The following MGAT5 variants were observed in gnomAD, a reference collection of about 807,000 sequenced individuals.
MGAT5 encodes the protein alpha-1,6-mannosylglycoprotein 6-beta-N-acetylglucosaminyltransferase A.
In MGAT5, 30 loss-of-function variants were observed where a neutral mutation model predicts 94.3. The ratio of observed to expected loss-of-function variants is 0.32; its 90% CI spans 0.24 to 0.43. The LOEUF (loss-of-function observed/expected upper bound fraction) is 0.43. MGAT5 is among the 20% of genes least tolerant of loss of function. MGAT5 has a pLI of 1.00. For synonymous variants in MGAT5, 310 were observed against 322.9 expected (o/e 0.96, Z 0.43); for missense variants, 691 against 905.5 (o/e 0.76, Z 3.04).
intron 1 of MGAT5, among the ~76,000 whole-genome samples, chr2:134,244,178 T>C (rs1682113025): frequency 1.3e-5 from 2 of 152,234 alleles, no homozygotes; most frequent in African/African-American, 4.8e-5. Flanking sequence ...ACCTGACAAA[T>C]TGACATGCTG....
intron 12 of MGAT5, among the ~76,000 whole-genome samples, chr2:134,419,954 C>G (rs1402690766): frequency 6.6e-6 from 1 of 152,142 alleles, no homozygotes; most frequent in African/African-American, 2.4e-5. Flanking sequence ...TGACATTTTG[C>G]TCATCTTCAG....
At position 134,402,283 on chromosome 2, in the gene MGAT5, A is replaced by G. The variant is rs146481627; in HGVS notation, c.1381-705A>G. Among the ~76,000 whole-genome samples, 862 of 152,316 alleles carry G rather than the reference A, an allele frequency of 5.7e-3. 26 individuals carry two copies. Among genetic ancestry groups the G allele is most frequent in the South Asian group, 0.05 (240 of 4,820 alleles). Reference sequence around the variant, plus strand: ...CTCAAAATTCAGTGCCTACAAATACAAGAAAAGGGGTTTGGTTGTGCTTCT... The same window carrying G: ...CTCAAAATTCAGTGCCTACAAATACGAGAAAAGGGGTTTGGTTGTGCTTCT... On this transcript the variant is annotated intron_variant, in intron 10 of 15. Transcript: ENST00000281923.
At chr2:134,410,912 G>C (rs1683613507) in intron 11 of MGAT5, among the ~76,000 whole-genome samples, 1 of 152,200 alleles carries the variant, frequency 6.6e-6, no homozygotes, top group South Asian at 2.1e-4. Context: ...TGGACTCCCT[G>C]TGCTATCTTA....
At chr2:134,264,019 T>TTTG (rs201575536) in intron 1 of MGAT5, among the ~76,000 whole-genome samples, 5,963 of 133,006 alleles carry the variant, frequency 0.045, 202 homozygotes, top group Middle Eastern at 0.14. Context: ...GCCATTAGGT[T>TTTG]TTTTTTTTTT....
At chr2:134,290,898 G>A (rs1031735111) in intron 2 of MGAT5, among the ~76,000 whole-genome samples, 2 of 152,212 alleles carry the variant, frequency 1.3e-5, no homozygotes, top group African/African-American at 2.4e-5. Flanking sequence ...ATATGGAGTT[G>A]GAGGATCAAT....
At position 134,454,440 on chromosome 2, in the gene MGAT5, AACAGATCCTGGTT is replaced by A. The variant is rs1686265640; in HGVS notation, c.*5598_*5610del. 6.6e-6 allele frequency: 1 copy of A among 152,224 alleles called. No homozygotes were observed. Among genetic ancestry groups the A allele is most frequent in the Admixed American group, 6.5e-5 (1 of 15,284 alleles). The allele number at this position is 152,224 out of a possible 1,614,324, so 9.4% of individuals were successfully genotyped here. On this transcript the variant is annotated 3_prime_UTR_variant, in exon 16 of 16. Coordinates refer to ENST00000281923, the MANE Select transcript of MGAT5 (RefSeq NM_002410.5). ...ATGGCCGTTTGCATCTGTGTCTTCA[AACAGATCCTGGTT>A]ACAGCCATTTTGTGTGATTCACTTC...
chr2:134,202,345 C>T (rs1364639046), intron 1 of MGAT5, among the ~76,000 whole-genome samples: 1 of 152,226 alleles, frequency 6.6e-6, no homozygotes, highest in Non-Finnish European at 1.5e-5. Flanking sequence ...AAAGAAGCTG[C>T]AGGGATTTTG....
intron 10 of MGAT5, among the ~76,000 whole-genome samples, chr2:134,376,654 G>T (rs1204306841): frequency 6.6e-6 from 1 of 152,178 alleles, no homozygotes; most frequent in African/African-American, 2.4e-5. Flanking sequence ...GGACCTAGGG[G>T]AGGAAAGAAA....
chr2:134,317,399 G>GT (rs2105897961), intron 2 of MGAT5, 130 bp from the exon 3 acceptor site: 1 of 531,568 alleles, frequency 1.9e-6, no homozygotes, highest in Non-Finnish European at 3.2e-6. Flanking sequence ...GGGGCTCCAT[G>GT]TATCAGAGCA....
intron 10 of MGAT5, among the ~76,000 whole-genome samples, chr2:134,366,634 A>G (rs1426298862): frequency 6.6e-6 from 1 of 152,126 alleles, no homozygotes; most frequent in Non-Finnish European, 1.5e-5. Context: ...ATGGCTTCTC[A>G]GCCTTACTAA....
At chr2:134,222,263 A>G (rs908895702) in intron 1 of MGAT5, among the ~76,000 whole-genome samples, 1 of 85,222 alleles carries the variant, frequency 1.2e-5, no homozygotes, top group Non-Finnish European at 2.5e-5. Flanking sequence ...TTAATATAGT[A>G]ACAAATATCA....
At chr2:134,218,309 G>A (rs1680596203) in intron 1 of MGAT5, among the ~76,000 whole-genome samples, 4 of 151,610 alleles carry the variant, frequency 2.6e-5, no homozygotes, top group African/African-American at 9.8e-5. Context: ...CATAAATTAG[G>A]CTGTTCATTA....
chr2:134,315,277 C>G (rs1318442163), intron 2 of MGAT5, among the ~76,000 whole-genome samples: 2 of 152,118 alleles, frequency 1.3e-5, no homozygotes, highest in African/African-American at 4.8e-5. Context: ...CCAAGTACCC[C>G]CTAAAATGTC....
chr2:134,353,836 G>A (rs954631379), intron 9 of MGAT5, among the ~76,000 whole-genome samples: 1 of 152,146 alleles, frequency 6.6e-6, no homozygotes, highest in Admixed American at 6.5e-5. Flanking sequence ...GAGAAATAAA[G>A]CAGTTTGATA....
chr2:134,353,617 TTGA>T (rs1026137810), intron 9 of MGAT5, among the ~76,000 whole-genome samples: 20 of 152,252 alleles, frequency 1.3e-4, no homozygotes, highest in African/African-American at 4.6e-4. Flanking sequence ...AATCAAATAG[TTGA>T]TGAGAGAAAG....
intron 11 of MGAT5, among the ~76,000 whole-genome samples, chr2:134,411,839 G>A (rs1683683221): frequency 1.3e-5 from 2 of 152,352 alleles, no homozygotes; most frequent in South Asian, 4.1e-4. Context: ...CCTTGTGGTT[G>A]GGTGATGCTC....
chr2:134,412,848 G>C, intron 11 of MGAT5, 21 bp from the exon 12 acceptor site: 1 of 1,613,826 alleles, frequency 6.2e-7, no homozygotes, highest in South Asian at 1.1e-5. Flanking sequence ...TTCATACGCT[G>C]TGTGGTTTTC....
intron 1 of MGAT5, among the ~76,000 whole-genome samples, chr2:134,190,130 C>T (rs940051780): frequency 6.6e-6 from 1 of 152,140 alleles, no homozygotes; most frequent in Non-Finnish European, 1.5e-5. Context: ...AATAAATGCA[C>T]CCCAACTTTG....
intron 1 of MGAT5, among the ~76,000 whole-genome samples, chr2:134,257,916 T>A (rs1683081080): frequency 6.8e-6 from 1 of 147,808 alleles, no homozygotes; most frequent in Non-Finnish European, 1.5e-5. Context: ...AGTGAAGAGT[T>A]GATCCTGTAT....
Sources: gnomAD v4.1 joint callset for allele counts (sites outside exome capture counted in the v4.1 genomes callset) on GRCh38, gnomAD v4.1.1 for gene constraint, MANE v1.5 for transcripts, NCBI Gene and HGNC (gene_info 2026-07-23, HGNC 2026-07-21) for gene names.